The following MFNG variants were observed in gnomAD, a reference collection of about 807,000 sequenced individuals.
MFNG encodes the protein beta-1,3-N-acetylglucosaminyltransferase manic fringe.
A neutral mutation model predicts 34.2 loss-of-function variants in MFNG; 24 were observed. That is an observed-to-expected ratio of 0.70 (90% CI 0.51 to 0.99). The LOEUF (loss-of-function observed/expected upper bound fraction) is 0.99, where lower values mean the gene tolerates loss of function less well. Among genes scored for constraint, MFNG ranks in the 50% least tolerant of loss-of-function variants. The pLI, the probability that MFNG is intolerant of heterozygous loss-of-function variation, is 0.00. For synonymous variants in MFNG, 158 were observed against 179.2 expected (o/e 0.88, Z 0.94); for missense variants, 383 against 424.0 (o/e 0.90, Z 0.85).
chr22:37,477,463 A>C (rs1186415847), intron 4 of MFNG, among the ~76,000 whole-genome samples: 1 of 150,820 alleles, frequency 6.6e-6, no homozygotes, highest in African/African-American at 2.4e-5. Flanking sequence ...TTTTTTTTTT[A>C]AGAGACAGAG....
At chr22:37,481,145 A>C in intron 1 of MFNG, 1 of 250,074 alleles carries the variant, frequency 4.0e-6, no homozygotes, top group East Asian at 9.8e-5. Flanking sequence ...CACAGAACAC[A>C]ATCTTAAACC....
chr22:37,480,660 G>A (rs187019951), intron 2 of MFNG, 61 bp downstream of exon 2: 137 of 1,528,038 alleles, frequency 9.0e-5, no homozygotes, highest in African/African-American at 4.8e-4. Context: ...GGGCACAGCC[G>A]CCCCAGCTTT....
rs1921693343 is a variant in MFNG at position 37,469,101 on chromosome 22, C to T, written c.*862G>A. On this transcript the variant is annotated 3_prime_UTR_variant, in exon 8 of 8. Coordinates refer to ENST00000356998, the MANE Select transcript of MFNG (RefSeq NM_002405.4). Reference sequence around the variant, plus strand: ...ATAAGCATTTAATTTTTGTACAGAACCAGATGCTGGAGGGAATAGCTGTGG... The same window carrying T: ...ATAAGCATTTAATTTTTGTACAGAATCAGATGCTGGAGGGAATAGCTGTGG... 2.0e-5 allele frequency: 3 copies of T among 152,752 alleles called. No homozygotes were observed. The highest frequency in any genetic ancestry group is 4.1e-4 in the South Asian group (2 of 4,840). The allele number at this position is 152,752 out of a possible 1,614,324, so 9.5% of individuals were successfully genotyped here. A position where few individuals can be genotyped will look rare whatever the true frequency, so the allele number is the denominator to read the frequency against.
chr22:37,481,252 C>T (rs1922279948), intron 1 of MFNG: 1 of 157,598 alleles, frequency 6.3e-6, no homozygotes, highest in Non-Finnish European at 1.4e-5. Flanking sequence ...GCCACACAAA[C>T]CCCCTGTGCA....
At chr22:37,480,859 G>A in intron 1 of MFNG, 90 bp from the exon 2 acceptor site, 1 of 1,112,706 alleles carries the variant, frequency 9.0e-7, no homozygotes, top group Non-Finnish European at 1.3e-6. Flanking sequence ...GCCCCAGATG[G>A]ACTCTGTACT....
At position 37,482,010 on chromosome 22, in the gene MFNG, G is replaced by A. The variant is rs920918169; in HGVS notation, c.256-1241C>T. On this transcript the variant is annotated intron_variant, in intron 1 of 7. Transcript: ENST00000356998. The surrounding 1 kb of genome is among the most constrained non-coding windows in gnomAD (Gnocchi z 4.1). ...ATAAAACAAGATTGTGTGTAAAAGA[G>A]CAAGGAAGAGTTGACAGTGAAGTCA... 5.9e-5 allele frequency among the ~76,000 whole-genome samples: 9 copies of A among 152,240 alleles called. No homozygotes were observed. Among genetic ancestry groups the A allele is most frequent in the Non-Finnish European group, 1.3e-4 (9 of 68,042 alleles).
rs954880535 is a variant in MFNG, at chr22:37,469,414, T to C, written c.*549A>G. ...AGGCTCCAAACAAAATCTGGTCCTGTTCGCAAGGGGTGGGGAGCAAGGAGC... is the reference window on the plus strand; with the variant it reads ...AGGCTCCAAACAAAATCTGGTCCTGCTCGCAAGGGGTGGGGAGCAAGGAGC... On this transcript the variant is annotated 3_prime_UTR_variant, in exon 8 of 8. Coordinates refer to ENST00000356998, the MANE Select transcript of MFNG (RefSeq NM_002405.4). The C allele has an allele frequency of 9.8e-6, 2 of 203,794 alleles. No individual in the cohort carries two copies. Among genetic ancestry groups the C allele is most frequent in the African/African-American group, 4.7e-5 (2 of 42,912 alleles). 12.6% of individuals were successfully genotyped at this position (203,794 alleles called of 1,614,324 possible). A position where few individuals can be genotyped will look rare whatever the true frequency, so the allele number is the denominator to read the frequency against.
chr22:37,475,505 T>C (rs2145729579), intron 5 of MFNG, among the ~76,000 whole-genome samples: 1 of 152,310 alleles, frequency 6.6e-6, no homozygotes, highest in Admixed American at 6.5e-5. Flanking sequence ...ATTACAGGCA[T>C]GAGCCACCTA....
rs893394913 is a variant in MFNG at position 37,485,137 on chromosome 22, G to A, written c.255+786C>T. ...AGCCGCACAGCCATGTGACAGACAT[G>A]CCTCTTGTCACACACATCTAGCACA... On this transcript the variant is annotated intron_variant, in intron 1 of 7. Transcript: ENST00000356998. This position sits in a 1 kb window ranked among gnomAD's most constrained non-coding sequence, Gnocchi z 5.3. Among the ~76,000 whole-genome samples, 1 of 152,092 alleles carries A rather than the reference G, an allele frequency of 6.6e-6. No homozygotes were observed. Among genetic ancestry groups the A allele is most frequent in the Non-Finnish European group, 1.5e-5 (1 of 68,006 alleles).
At chr22:37,475,277 G>A (rs1297992068) in intron 5 of MFNG, among the ~76,000 whole-genome samples, 2 of 152,178 alleles carry the variant, frequency 1.3e-5, no homozygotes, top group African/African-American at 2.4e-5. Context: ...AGGCTGGAGT[G>A]CAGTGGTGCA....
At chr22:37,473,295 G>C (rs753488913) in intron 6 of MFNG, among the ~76,000 whole-genome samples, 3 of 152,068 alleles carry the variant, frequency 2.0e-5, no homozygotes, top group Non-Finnish European at 2.9e-5. Context: ...CAGGCATGGT[G>C]GTGGGTGCCT....
intron 4 of MFNG, among the ~76,000 whole-genome samples, chr22:37,477,596 G>A (rs1012024046): frequency 6.6e-6 from 1 of 152,098 alleles, no homozygotes; most frequent in Non-Finnish European, 1.5e-5. Flanking sequence ...ACAGACGTGC[G>A]CCACCACGCC....
At chr22:37,470,570 C>T (rs1921762644) in intron 7 of MFNG, among the ~76,000 whole-genome samples, 1 of 152,252 alleles carries the variant, frequency 6.6e-6, no homozygotes, top group African/African-American at 2.4e-5. Context: ...AAGGCAGCTT[C>T]GTTCGTCTTG....
chr22:37,480,389 G>A, intron 2 of MFNG, 90 bp from the exon 3 acceptor site: 1 of 1,039,124 alleles, frequency 9.6e-7, no homozygotes, highest in East Asian at 2.6e-5. Context: ...TGGGCAACAG[G>A]GAGTCTGGAG....
In MFNG at chr22:37,474,696, C is replaced by A. The variant is rs1451042731; in HGVS notation, c.648-19G>T. The A allele has an allele frequency of 1.3e-6, 2 of 1,569,110 alleles. No individual in the cohort carries two copies. The highest frequency in any genetic ancestry group is 1.8e-5 in the Admixed American group (1 of 55,004). ...GGAGCCACTGAGGGACAGAGCCAGA[C>A]TGCAGACGCTGGCCCAGGCCCTCCA... On this transcript the variant is annotated intron_variant, in intron 5 of 7. Transcript: ENST00000356998.
At chr22:37,478,442 T>C (rs1922135649) in intron 4 of MFNG, among the ~76,000 whole-genome samples, 1 of 152,210 alleles carries the variant, frequency 6.6e-6, no homozygotes, top group Admixed American at 6.5e-5. Context: ...CAAGTTTAAC[T>C]GGATGTAGTG....
intron 4 of MFNG, 51 bp from the exon 5 acceptor site, chr22:37,477,032 G>A: frequency 6.5e-7 from 1 of 1,538,960 alleles, no homozygotes; most frequent in Non-Finnish European, 9.0e-7. Context: ...GCAGTTGTGG[G>A]GAAAAGGGAC....
In MFNG at chr22:37,485,357, C is replaced by T. The variant is rs986722574; in HGVS notation, c.255+566G>A. Reference sequence around the variant, plus strand: ...CATGGCGGCCTCGGCACACCCGGGGCAGCAGAGACACAGCGGCAGGGGCTA... The same window carrying T: ...CATGGCGGCCTCGGCACACCCGGGGTAGCAGAGACACAGCGGCAGGGGCTA... On this transcript the variant is annotated intron_variant, in intron 1 of 7. Coordinates refer to ENST00000356998, the MANE Select transcript of MFNG (RefSeq NM_002405.4). This position sits in a 1 kb window ranked among gnomAD's most constrained non-coding sequence, Gnocchi z 5.3. 1.7e-4 allele frequency among the ~76,000 whole-genome samples: 26 copies of T among 152,250 alleles called. No individual in the cohort carries two copies. Among genetic ancestry groups the T allele is most frequent in the Non-Finnish European group, 3.8e-4 (26 of 68,044 alleles).
intron 3 of MFNG, among the ~76,000 whole-genome samples, chr22:37,479,791 G>A (rs550168258): frequency 2.6e-4 from 40 of 152,240 alleles, no homozygotes; most frequent in Non-Finnish European, 3.8e-4. Flanking sequence ...ATCACCTGAG[G>A]TCAGGAGTTC....
Sources: gnomAD v4.1 joint callset for allele counts (sites outside exome capture counted in the v4.1 genomes callset) on GRCh38, gnomAD v4.1.1 for gene constraint, Gnocchi (gnomAD v3.1) non-coding constraint, MANE v1.5 for transcripts, NCBI Gene and HGNC (gene_info 2026-07-23, HGNC 2026-07-21) for gene names.